Variants in WDR41 observed in about 807,000 individuals in gnomAD.
The protein encoded by WDR41 is WD repeat-containing protein 41.
In WDR41, 63 loss-of-function variants were observed where a neutral mutation model predicts 69.3. The observed-to-expected ratio is 0.91, with a 90% CI of 0.74 to 1.12. The LOEUF (loss-of-function observed/expected upper bound fraction) is 1.12, where lower values mean the gene tolerates loss of function less well. Ranked by LOEUF, WDR41 falls within the 50% of genes most tolerant of loss-of-function variation. The pLI, the probability that WDR41 is intolerant of heterozygous loss-of-function variation, is 0.00. For synonymous variants in WDR41, 185 were observed against 192.1 expected (o/e 0.96, Z 0.31); for missense variants, 543 against 534.5 (o/e 1.02, Z -0.16).
intron 2 of WDR41, among the ~76,000 whole-genome samples, chr5:77,470,492 TAA>T (rs1266832900): frequency 2.0e-5 from 3 of 152,038 alleles, no homozygotes; most frequent in Admixed American, 6.6e-5. Context: ...GCAAATTGGA[TAA>T]AGAGTCAAGA....
In WDR41 at chr5:77,440,804, A is replaced by AT. The variant is rs1465608358; in HGVS notation, c.882+8dup. 45 of 1,613,720 alleles carry AT rather than the reference A, an allele frequency of 2.8e-5. No homozygotes were observed. The highest frequency in any genetic ancestry group is 1.7e-4 in the Middle Eastern group (1 of 6,020). ...AGGCAAGTTTATAGATAGTGTATAC[A>AT]TTTTTTACCTCTTCATCACATGTGA... On this transcript the variant is annotated intron_variant, in intron 9 of 12. Transcript: ENST00000296679.
intron 1 of WDR41, among the ~76,000 whole-genome samples, chr5:77,589,637 T>C (rs1387095534): frequency 6.6e-6 from 1 of 152,182 alleles, no homozygotes; most frequent in Non-Finnish European, 1.5e-5. Context: ...TTGCAAAAAT[T>C]ATCATTTTAA....
At chr5:77,573,666 GC>G (rs1268805942) in intron 1 of WDR41, among the ~76,000 whole-genome samples, 2 of 152,050 alleles carry the variant, frequency 1.3e-5, no homozygotes, top group Non-Finnish European at 2.9e-5. Context: ...GCTCAGAAGT[GC>G]CCCCCAGATT....
Position 77,512,501 on chromosome 5 carries a change from C to T in WDR41, c.43-22929G>A, listed in dbSNP as rs139735264. Among the ~76,000 whole-genome samples the T allele has an allele frequency of 4.6e-3, 699 of 150,834 alleles. 3 individuals carry two copies. The highest frequency in any genetic ancestry group is 0.016 in the African/African-American group (669 of 41,008). ...GTAAGGTAGCTCATGCCTGTAATCC[C>T]GGCACTTTGGGAGGCCGAGGCAGGC... On this transcript the variant is annotated intron_variant, in intron 1 of 5. Transcript: ENST00000509971.
chr5:77,491,181 T>C (rs148925270), intron 1 of WDR41: 8,155 of 409,830 alleles, frequency 0.02, 115 homozygotes, highest in Middle Eastern at 0.055. Flanking sequence ...TCGCCTTAAG[T>C]GATGACATTA....
chr5:77,503,107 T>G (rs763815948), intron 1 of WDR41, among the ~76,000 whole-genome samples: 4 of 149,270 alleles, frequency 2.7e-5, no homozygotes, highest in Non-Finnish European at 5.9e-5. Flanking sequence ...GTGTGCTATA[T>G]TCAGGAGACC....
chr5:77,471,704 A>G (rs1344077778), intron 2 of WDR41, among the ~76,000 whole-genome samples: 2 of 152,208 alleles, frequency 1.3e-5, no homozygotes, highest in East Asian at 3.8e-4. Context: ...CTTGACACAT[A>G]CACCCTCCCA....
intron 1 of WDR41, among the ~76,000 whole-genome samples, chr5:77,532,891 G>T (rs1488909238): frequency 2.6e-5 from 4 of 152,084 alleles, no homozygotes; most frequent in East Asian, 1.9e-4. Flanking sequence ...TGGGAAACGG[G>T]CCTTTCATGT....
intron 1 of WDR41, among the ~76,000 whole-genome samples, chr5:77,550,605 G>A (rs913815904): frequency 2.6e-5 from 4 of 152,312 alleles, no homozygotes. Flanking sequence ...AGCCTGTGGA[G>A]AAAAGAGAAT....
intron 1 of WDR41, among the ~76,000 whole-genome samples, chr5:77,528,455 A>G (rs1420463730): frequency 1.3e-5 from 2 of 151,756 alleles, no homozygotes; most frequent in African/African-American, 4.8e-5. Context: ...CCAAACAGTC[A>G]AGGAAGAAAT....
Position 77,447,154 on chromosome 5 carries a change from AT to A in WDR41, c.697+2605del, listed in dbSNP as rs200168898. Reference sequence around the variant, plus strand: ...AGACATTTATGTGGCCAAAAAACATATGAAAAAAAGCTCAACATCACTGATC... The same window carrying A: ...AGACATTTATGTGGCCAAAAAACATAGAAAAAAAGCTCAACATCACTGATC... On this transcript the variant is annotated intron_variant, in intron 8 of 12. Transcript: ENST00000296679. Among the ~76,000 whole-genome samples the A allele has an allele frequency of 3.5e-3, 537 of 152,330 alleles. 3 individuals are homozygous for A. The highest frequency in any genetic ancestry group is 0.012 in the African/African-American group (498 of 41,580).
At chr5:77,492,403 G>T, upstream of WDR41, 2 of 715,270 alleles carry the variant, frequency 2.8e-6, no homozygotes, top group Non-Finnish European at 4.3e-6. Flanking sequence ...TCCCCAAAGC[G>T]CTCCCGTACC....
intron 1 of WDR41, among the ~76,000 whole-genome samples, chr5:77,563,500 A>T (rs554555412): frequency 6.6e-6 from 1 of 152,200 alleles, no homozygotes; most frequent in African/African-American, 2.4e-5. Flanking sequence ...CATGTCTTGA[A>T]GTATTTGAAG....
At chr5:77,488,630 G>A (rs1801626384) in intron 2 of WDR41, among the ~76,000 whole-genome samples, 1 of 152,096 alleles carries the variant, frequency 6.6e-6, no homozygotes, top group Non-Finnish European at 1.5e-5. Context: ...ATGAGGTTGG[G>A]GGATTAGGAC....
chr5:77,457,426 A>T (rs1357719216), intron 5 of WDR41, among the ~76,000 whole-genome samples: 1 of 152,136 alleles, frequency 6.6e-6, no homozygotes. Flanking sequence ...GTATTTTCTT[A>T]TAAGACATTT....
intron 12 of WDR41, among the ~76,000 whole-genome samples, chr5:77,434,319 AAAAC>A (rs1430399237): frequency 7.9e-5 from 12 of 152,026 alleles, no homozygotes; most frequent in African/African-American, 2.7e-4. Context: ...CTCGGGAAAA[AAAAC>A]AAGAGTTTTC....
At chr5:77,549,295 G>C (rs1023833064) in intron 1 of WDR41, among the ~76,000 whole-genome samples, 5 of 151,920 alleles carry the variant, frequency 3.3e-5, no homozygotes, top group African/African-American at 1.2e-4. Flanking sequence ...TAAAACAAAA[G>C]AAAAATAATG....
At chr5:77,526,915 CCA>C (rs1476919864) in intron 1 of WDR41, among the ~76,000 whole-genome samples, 2 of 152,060 alleles carry the variant, frequency 1.3e-5, no homozygotes, top group African/African-American at 4.8e-5. Flanking sequence ...GCCAGTGCTT[CCA>C]ATAGCTATCC....
chr5:77,528,261 A>G (rs1019515483), intron 1 of WDR41, among the ~76,000 whole-genome samples: 13 of 151,794 alleles, frequency 8.6e-5, no homozygotes, highest in Non-Finnish European at 1.5e-4. Context: ...AAACAATATT[A>G]AGAGGTGGCT....
Sources: allele counts gnomAD v4.1 joint callset (sites outside exome capture counted in the v4.1 genomes callset), GRCh38; gene constraint gnomAD v4.1.1; transcripts MANE v1.5; gene names NCBI Gene and HGNC (gene_info 2026-07-23, HGNC 2026-07-21).